PTPRD: variants seen among roughly 807,000 people sequenced by gnomAD.
PTPRD encodes the protein receptor-type tyrosine-protein phosphatase delta.
A neutral mutation model predicts 214.5 loss-of-function variants in PTPRD; 34 were observed. That is an observed-to-expected ratio of 0.16 (90% confidence interval 0.12 to 0.21). PTPRD has a LOEUF of 0.21. Among genes scored for constraint, PTPRD ranks in the 10% least tolerant of loss-of-function variants. The pLI is 1.00. For missense variants in PTPRD, 2,545 were observed against 2,398.7 expected, an observed-to-expected ratio of 1.06 and a Z score of -1.27; for synonymous variants, 1,128 against 845.7, an observed-to-expected ratio of 1.33 and a Z score of -5.79.
At chr9:9,572,138 C>T (rs988890985) in intron 8 of PTPRD, among the ~76,000 whole-genome samples, 2 of 151,242 alleles carry the variant, frequency 1.3e-5, no homozygotes, top group South Asian at 2.1e-4. Flanking sequence ...TGAGAAAATC[C>T]ACCAAAGAGT....
intron 3 of PTPRD, among the ~76,000 whole-genome samples, chr9:10,263,836 A>G (rs549169730): frequency 6.6e-6 from 1 of 152,234 alleles, no homozygotes; most frequent in South Asian, 2.1e-4. Flanking sequence ...CTCTTATCAC[A>G]GGCCTGGAGG....
intron 20 of PTPRD, among the ~76,000 whole-genome samples, chr9:8,520,390 G>A (rs1449367079): frequency 6.6e-6 from 1 of 152,068 alleles, no homozygotes; most frequent in African/African-American, 2.4e-5. Context: ...AACGTGTATT[G>A]CATTTTCTAA....
intron 2 of PTPRD, among the ~76,000 whole-genome samples, chr9:10,359,831 G>A (rs1313455266): frequency 6.6e-6 from 1 of 152,100 alleles, no homozygotes; most frequent in Admixed American, 6.5e-5. Flanking sequence ...AATGGATAAT[G>A]ATATGGTTTT....
chr9:10,372,325 A>G (rs1266600415), intron 2 of PTPRD, among the ~76,000 whole-genome samples: 1 of 151,974 alleles, frequency 6.6e-6, no homozygotes, highest in African/African-American at 2.4e-5. Context: ...ACAGGTTTTG[A>G]GTAGGTTGTA....
intron 3 of PTPRD, among the ~76,000 whole-genome samples, chr9:10,194,164 G>A (rs1236800694): frequency 5.3e-5 from 8 of 152,046 alleles, no homozygotes; most frequent in South Asian, 4.2e-4. Flanking sequence ...TATCATTGAT[G>A]CCTCTTCCCA....
At chr9:9,595,112 C>A (rs1212203514) in intron 7 of PTPRD, among the ~76,000 whole-genome samples, 2 of 151,410 alleles carry the variant, frequency 1.3e-5, no homozygotes, top group Non-Finnish European at 2.9e-5. Flanking sequence ...ATGCGGTGAA[C>A]AGGGAACGCT....
At chr9:8,647,030 C>T (rs1443593491) in intron 12 of PTPRD, among the ~76,000 whole-genome samples, 1 of 152,144 alleles carries the variant, frequency 6.6e-6, no homozygotes, top group Admixed American at 6.5e-5. Flanking sequence ...CTTGCCACTG[C>T]AATACATTGA....
intron 10 of PTPRD, among the ~76,000 whole-genome samples, chr9:9,033,489 T>C (rs2099612162): frequency 6.6e-6 from 1 of 152,020 alleles, no homozygotes; most frequent in Non-Finnish European, 1.5e-5. Flanking sequence ...CCGCAGTACA[T>C]ACAAATATTA....
intron 7 of PTPRD, among the ~76,000 whole-genome samples, chr9:9,642,233 T>G (rs546467364): frequency 6.2e-4 from 78 of 125,648 alleles, no homozygotes; most frequent in Non-Finnish European, 6.5e-4. Flanking sequence ...CATGGACACA[T>G]GAAGGGGAAT....
chr9:9,902,594 C>A (rs1457648916), intron 5 of PTPRD, among the ~76,000 whole-genome samples: 1 of 152,118 alleles, frequency 6.6e-6, no homozygotes, highest in African/African-American at 2.4e-5. Flanking sequence ...TAGAAATGCA[C>A]ACTTCAACTT....
chr9:10,324,246 T>C (rs1364963696), intron 3 of PTPRD, among the ~76,000 whole-genome samples: 1 of 152,046 alleles, frequency 6.6e-6, no homozygotes, highest in African/African-American at 2.4e-5. Flanking sequence ...AATTATTAGA[T>C]GCTTTGATAG....
rs1349005486 is a variant in PTPRD at position 8,501,132 on chromosome 9, C to G, written c.1823-73G>C. ...GTGGTTGAAAAAAAAAATGATAAAA[C>G]AAAAGAAAAGGCAAAAATAAATAAA... On this transcript the variant is annotated intron_variant, in intron 23 of 45. Coordinates refer to ENST00000381196, the MANE Select transcript of PTPRD (RefSeq NM_002839.4). 6.6e-6 allele frequency: 8 copies of G among 1,209,646 alleles called. No homozygotes were observed. The East Asian group carries it at 1.8e-4, about 27-fold the overall frequency. The allele number at this position is 1,209,646 out of a possible 1,614,324, so 74.9% of individuals were successfully genotyped here. A position where few individuals can be genotyped will look rare whatever the true frequency, so the allele number is the denominator to read the frequency against.
At position 9,947,700 on chromosome 9, in the gene PTPRD, A is replaced by G. The variant is rs117511964; in HGVS notation, c.-471-9090T>C. ...AAGGTCAAGTTAGATTTTCGTTCTG[A>G]TTTTTGGTTCTAAGGACTAAAATAC... On this transcript the variant is annotated intron_variant, in intron 4 of 45. Transcript: ENST00000381196. Among the ~76,000 whole-genome samples, 187 of 128,782 alleles carry G rather than the reference A, an allele frequency of 1.5e-3. No individual in the cohort carries two copies. The East Asian group carries it at 0.038, about 26-fold the overall frequency. The allele number at this position is 128,782 out of a possible 152,430, so 84.5% of individuals were successfully genotyped here. A position where few individuals can be genotyped will look rare whatever the true frequency, so the allele number is the denominator to read the frequency against.
intron 12 of PTPRD, among the ~76,000 whole-genome samples, chr9:8,685,866 A>T (rs146857378): frequency 1.5e-3 from 229 of 152,340 alleles, no homozygotes; most frequent in African/African-American, 4.7e-3. Flanking sequence ...ATGCCAAACG[A>T]GCACTAGGCT....
intron 9 of PTPRD, among the ~76,000 whole-genome samples, chr9:9,275,066 T>A (rs1438224946): frequency 1.2e-4 from 9 of 73,038 alleles, no homozygotes; most frequent in East Asian, 3.7e-4. Context: ...TATATATATA[T>A]TATATATATA....
intron 2 of PTPRD, among the ~76,000 whole-genome samples, chr9:10,430,435 C>T (rs1037709443): frequency 3.3e-5 from 5 of 151,510 alleles, no homozygotes; most frequent in Admixed American, 2.6e-4. Flanking sequence ...TAGATAGATA[C>T]GTATGTATGT....
At chr9:10,559,417 C>G (rs2063348073) in intron 2 of PTPRD, among the ~76,000 whole-genome samples, 1 of 152,064 alleles carries the variant, frequency 6.6e-6, no homozygotes, top group African/African-American at 2.4e-5. Flanking sequence ...AATCAATGGC[C>G]ACACAGTTCT....
intron 2 of PTPRD, among the ~76,000 whole-genome samples, chr9:10,581,902 C>A (rs1195314634): frequency 1.3e-5 from 2 of 152,020 alleles, no homozygotes; most frequent in East Asian, 3.9e-4. Context: ...AGCTACATCA[C>A]CCATAAGAAA....
At chr9:9,016,568 C>T (rs995988609) in intron 11 of PTPRD, among the ~76,000 whole-genome samples, 10 of 152,018 alleles carry the variant, frequency 6.6e-5, no homozygotes, top group Non-Finnish European at 1.5e-4. Flanking sequence ...ATAAGGCACC[C>T]ACAGCAGGAT....
Sources: allele counts gnomAD v4.1 joint callset (sites outside exome capture counted in the v4.1 genomes callset), GRCh38; gene constraint gnomAD v4.1.1; transcripts MANE v1.5; gene names NCBI Gene and HGNC (gene_info 2026-07-23, HGNC 2026-07-21).